The following LSAMP variants were observed in gnomAD, a reference collection of about 807,000 sequenced individuals.
LSAMP encodes limbic system-associated membrane protein.
Under a neutral mutation model 38.6 loss-of-function variants are expected in LSAMP, and 7 were observed. That is an observed-to-expected ratio of 0.18 (90% CI 0.10 to 0.34). The LOEUF (loss-of-function observed/expected upper bound fraction) is 0.34, where lower values mean the gene tolerates loss of function less well. Ranked by LOEUF, LSAMP falls within the 10% of genes least tolerant of loss-of-function variation. The pLI is 1.00. For synonymous variants in LSAMP, 154 were observed against 166.8 expected, an observed-to-expected ratio of 0.92 and a Z score of 0.59; for missense variants, 313 against 420.0, an observed-to-expected ratio of 0.75 and a Z score of 2.23.
At chr3:116,276,242 A>G (rs2047050476) in intron 1 of LSAMP, among the ~76,000 whole-genome samples, 1 of 152,216 alleles carries the variant, frequency 6.6e-6, no homozygotes, top group Non-Finnish European at 1.5e-5. Context: ...CACCTGCTTC[A>G]TTATGTTATA....
chr3:116,400,799 C>T (rs2107825886), intron 1 of LSAMP, among the ~76,000 whole-genome samples: 1 of 152,200 alleles, frequency 6.6e-6, no homozygotes, highest in African/African-American at 2.4e-5. Flanking sequence ...TTTTAGATAC[C>T]ACTCTTGTTT....
intron 3 of LSAMP, among the ~76,000 whole-genome samples, chr3:115,959,557 A>G (rs1040099373): frequency 1.6e-4 from 24 of 152,196 alleles, no homozygotes; most frequent in Non-Finnish European, 2.5e-4. Context: ...AGTAGTTCGG[A>G]GCATGTGTGT....
chr3:115,845,254 G>T (rs1576139877), intron 4 of LSAMP, among the ~76,000 whole-genome samples: 1 of 152,280 alleles, frequency 6.6e-6, no homozygotes, highest in Admixed American at 6.5e-5. Flanking sequence ...GTGTTCTTAA[G>T]CTGCCAGTGA....
At chr3:115,840,958 C>G (rs1410625948) in intron 6 of LSAMP, among the ~76,000 whole-genome samples, 2 of 152,176 alleles carry the variant, frequency 1.3e-5, no homozygotes, top group African/African-American at 4.8e-5. Flanking sequence ...TTTGCTTATT[C>G]TGACAAATGT....
chr3:116,173,691 AG>A (rs1365827391), intron 1 of LSAMP, among the ~76,000 whole-genome samples: 2 of 152,076 alleles, frequency 1.3e-5, no homozygotes, highest in Non-Finnish European at 2.9e-5. Context: ...AGAATTACAA[AG>A]GCAAGTGCTT....
chr3:116,054,323 T>G lies in LSAMP; in HGVS notation c.388+32001A>C, dbSNP rs185363194. Reference sequence around the variant, plus strand: ...AGGATAATCTCTTCATCTCAAGTCGTTAATTTAATCATATCTGTGGAGCCC... The same window carrying G: ...AGGATAATCTCTTCATCTCAAGTCGGTAATTTAATCATATCTGTGGAGCCC... On this transcript the variant is annotated intron_variant, in intron 2 of 6. Coordinates refer to ENST00000490035, the MANE Select transcript of LSAMP (RefSeq NM_002338.5). Among the ~76,000 whole-genome samples the G allele has an allele frequency of 1.1e-4, 17 of 152,314 alleles. 1 individual carries two copies. The highest frequency in any genetic ancestry group is 1.0e-3 in the Admixed American group (16 of 15,296).
At chr3:116,139,368 G>C (rs1351015645) in intron 1 of LSAMP, among the ~76,000 whole-genome samples, 1 of 151,918 alleles carries the variant, frequency 6.6e-6, no homozygotes, top group East Asian at 1.9e-4. Context: ...CCACCAATTA[G>C]AGGACCAAGG....
At chr3:116,267,945 A>C (rs1024251477) in intron 1 of LSAMP, among the ~76,000 whole-genome samples, 1 of 152,128 alleles carries the variant, frequency 6.6e-6, no homozygotes, top group Non-Finnish European at 1.5e-5. Flanking sequence ...TAATGACTGG[A>C]GCACCAAACT....
intron 2 of LSAMP, among the ~76,000 whole-genome samples, chr3:116,034,874 C>T (rs891823781): frequency 6.6e-6 from 1 of 152,160 alleles, no homozygotes; most frequent in African/African-American, 2.4e-5. Flanking sequence ...AGAAAATCTT[C>T]TCCAACATAT....
intron 1 of LSAMP, among the ~76,000 whole-genome samples, chr3:116,184,440 T>G (rs1392060261): frequency 2.0e-5 from 3 of 151,980 alleles, no homozygotes; most frequent in Non-Finnish European, 4.4e-5. Context: ...TTCACTGTCA[T>G]TTCAAGACGG....
intron 6 of LSAMP, among the ~76,000 whole-genome samples, chr3:115,838,462 T>C (rs1229927334): frequency 2.6e-5 from 4 of 152,248 alleles, no homozygotes; most frequent in Admixed American, 1.3e-4. Context: ...AGTTTTCATC[T>C]ATGTCATGCA....
chr3:116,020,491 G>A (rs1296877421), intron 2 of LSAMP, among the ~76,000 whole-genome samples: 4 of 152,152 alleles, frequency 2.6e-5, no homozygotes, highest in African/African-American at 4.8e-5. Flanking sequence ...CAGAAAATGA[G>A]TTTGAATCCC....
chr3:116,191,609 C>T (rs114409951), intron 1 of LSAMP, among the ~76,000 whole-genome samples: 3,390 of 151,714 alleles, frequency 0.022, 60 homozygotes, highest in Middle Eastern at 0.068. Context: ...AATTCAGCAG[C>T]TTGGTTTAGG....
At chr3:115,849,661 A>G (rs12493911) in intron 4 of LSAMP, among the ~76,000 whole-genome samples, 15,070 of 152,192 alleles carry the variant, frequency 0.099, 1,080 homozygotes, top group Admixed American at 0.25. Flanking sequence ...GACAGAGGTG[A>G]TCCTGGGCAT....
intron 1 of LSAMP, among the ~76,000 whole-genome samples, chr3:116,397,733 CT>C (rs57280234): frequency 0.094 from 14,283 of 152,006 alleles, 748 homozygotes; most frequent in Middle Eastern, 0.15. Context: ...GGGAATTGCA[CT>C]GAAAAAAATC....
chr3:116,098,494 CAAAAA>C (rs1448751772), intron 1 of LSAMP, among the ~76,000 whole-genome samples: 1 of 152,086 alleles, frequency 6.6e-6, no homozygotes, highest in African/African-American at 2.4e-5. Flanking sequence ...AACTCCGTCT[CAAAAA>C]TAAATAAATA....
At chr3:115,931,447 G>T (rs569369224) in intron 3 of LSAMP, among the ~76,000 whole-genome samples, 30 of 152,292 alleles carry the variant, frequency 2.0e-4, no homozygotes, top group African/African-American at 7.0e-4. Context: ...AGAGAAGAAT[G>T]AAATCAAGTG....
rs371223476 is a variant in LSAMP at position 116,245,240 on chromosome 3, A to C, written c.156-158684T>G. On this transcript the variant is annotated intron_variant, in intron 1 of 6. Transcript: ENST00000490035. ...GATGACCACCTGCAAGACGAGGATC[A>C]TGGCCCCAGAAGTTGTCAACCCTGC... Among the ~76,000 whole-genome samples the C allele has an allele frequency of 3.9e-5, 6 of 152,190 alleles. No individual in the cohort carries two copies. The East Asian group carries it at 1.2e-3, about 29-fold the overall frequency.
intron 3 of LSAMP, among the ~76,000 whole-genome samples, chr3:116,000,067 A>G (rs549954067): frequency 2.6e-5 from 4 of 152,268 alleles, no homozygotes; most frequent in Admixed American, 6.5e-5. Flanking sequence ...AGATTAAACA[A>G]TGGTTTCTGG....
Sources: gnomAD v4.1 joint callset for allele counts (sites outside exome capture counted in the v4.1 genomes callset) on GRCh38, gnomAD v4.1.1 for gene constraint, MANE v1.5 for transcripts, NCBI Gene and HGNC (gene_info 2026-07-23, HGNC 2026-07-21) for gene names.